Variants in CEP72 observed in about 807,000 individuals in gnomAD.
The protein encoded by CEP72 is centrosomal protein 72.
Under a neutral mutation model 65.7 loss-of-function variants are expected in CEP72, and 78 were observed. That is an observed-to-expected ratio of 1.19 (90% CI 0.99 to 1.43). The LOEUF (loss-of-function observed/expected upper bound fraction) is 1.43, where lower values mean the gene tolerates loss of function less well. Among genes scored for constraint, CEP72 ranks in the 40% most tolerant of loss-of-function variants. CEP72 has a pLI of 0.00. For synonymous variants in CEP72, 358 were observed against 351.7 expected (o/e 1.02, Z -0.20); for missense variants, 914 against 832.9 (o/e 1.10, Z -1.20).
At position 647,911 on chromosome 5, in the gene CEP72, C is replaced by T; in HGVS notation, c.1773C>T (p.Ser591=). Residue 591 remains serine, a synonymous_variant, in exon 11 of 12, where the codon AGC becomes AGT. Transcript: ENST00000264935. ...AGCTCACGCAGATGCTGCAGGAGAG[C>T]CACAGGTGCCTGCCCGTGAGACTTG... The part of the protein sequence containing the change: ...IQELTQMLQE[S]HSSLVSTNEH... 1 of 1,608,174 alleles carries T rather than the reference C, an allele frequency of 6.2e-7. No individual in the cohort carries two copies. The highest frequency in any genetic ancestry group is 8.5e-7 in the Non-Finnish European group (1 of 1,177,264).
At chr5:652,950 C>A in intron 11 of CEP72, 38 bp from the exon 12 acceptor site, 1 of 1,560,702 alleles carries the variant, frequency 6.4e-7, no homozygotes, top group Non-Finnish European at 8.7e-7. Flanking sequence ...CTGGAGAGGA[C>A]GGAAGTGCCA....
intron 4 of CEP72, among the ~76,000 whole-genome samples, chr5:666,296 C>T (rs930011053): frequency 9.2e-5 from 14 of 152,176 alleles, no homozygotes; most frequent in African/African-American, 3.1e-4. Flanking sequence ...GAAAGCTTGG[C>T]GGAAGCAGGT....
intron 2 of CEP72, 134 bp from the exon 3 acceptor site, chr5:619,935 C>T: frequency 2.8e-6 from 2 of 717,042 alleles, no homozygotes; most frequent in East Asian, 2.7e-5. Context: ...CATTTTTCTA[C>T]TTTTCCTGGT....
At position 637,744 on chromosome 5, in the gene CEP72, G is replaced by A. The variant is rs1219532634; in HGVS notation, c.1132G>A (p.Gly378Arg). 10 of 1,612,476 alleles carry A rather than the reference G, an allele frequency of 6.2e-6. No individual in the cohort carries two copies. The highest frequency in any genetic ancestry group is 3.3e-5 in the South Asian group (3 of 90,974). The change falls in exon 7 of 12, where the codon GGG becomes AGG. Residue 378 changes from glycine to arginine, a missense_variant. Transcript: ENST00000264935. The stretch of plus-strand genomic sequence containing the variant: ...ACAGGACAGCTCAGAAAGCAGGAAC[G>A]GGAGGACCTTGTCTCAGCCTGAGGC... The part of the protein sequence containing the change: ...SRQDSSESRN[G>R]RTLSQPEASE...
chr5:650,199 C>T (rs1303780888), intron 11 of CEP72, among the ~76,000 whole-genome samples: 3 of 117,728 alleles, frequency 2.5e-5, no homozygotes, highest in African/African-American at 6.9e-5. Flanking sequence ...GACTGTGAGG[C>T]GTGGACTGTG....
At chr5:665,271 G>A (rs745541895) in exon 3 of CEP72, 46 of 1,613,406 alleles carry the variant, frequency 2.9e-5, no homozygotes, top group Non-Finnish European at 3.5e-5. Flanking sequence ...CGTGAGCCTC[G>A]ACACTGTGGG....
At chr5:643,003 A>C in intron 9 of CEP72, 2 of 985,462 alleles carry the variant, frequency 2.0e-6, no homozygotes, top group Non-Finnish European at 2.4e-6. Flanking sequence ...GGCTGCGCCC[A>C]GCTTGGGTGC....
intron 11 of CEP72, among the ~76,000 whole-genome samples, chr5:649,505 GACTGTGAGGTGT>G (rs1738770658): frequency 2.8e-5 from 1 of 36,166 alleles, no homozygotes; most frequent in African/African-American, 1.4e-4. Context: ...TGTGAGGTGT[GACTGTGAGGTGT>G]GACTGTGAGG....
At chr5:665,446 T>C (rs1739856793) in intron 3 of CEP72, 7 of 733,468 alleles carry the variant, frequency 9.5e-6, no homozygotes, top group African/African-American at 5.3e-5. Flanking sequence ...TTAATTCTTA[T>C]TTTTACCTCT....
chr5:640,455 C>G lies in CEP72; in HGVS notation c.1390C>G (p.Gln464Glu). ...LSSVEEFTAA[Q>E]DSSAMVGEDV... The stretch of plus-strand genomic sequence containing the variant: ...ATCTGTTGAAGAATTCACAGCAGCT[C>G]AGGACAGCTCTGCGATGGTGGGTGA... The change falls in exon 9 of 12, where the codon CAG (glutamine) becomes GAG (glutamate). Residue 464 changes from glutamine to glutamate, a missense_variant. By Grantham distance (29) the Gln-to-Glu change is conservative. Coordinates refer to ENST00000264935, the MANE Select transcript of CEP72 (RefSeq NM_018140.4). 6.2e-7 allele frequency: 1 copy of G among 1,614,224 alleles called. No individual in the cohort carries two copies. Among genetic ancestry groups the G allele is most frequent in the Non-Finnish European group, 8.5e-7 (1 of 1,180,044 alleles).
downstream of CEP72, among the ~76,000 whole-genome samples, chr5:655,128 A>C (rs1330476281): frequency 6.6e-6 from 1 of 152,160 alleles, no homozygotes; most frequent in East Asian, 1.9e-4. This position sits in a 1 kb window ranked among gnomAD's most constrained non-coding sequence, Gnocchi z 5.0. Context: ...TGGGAGGCTG[A>C]GGCAGGAGGA....
chr5:617,597 A>G (rs1736075768), intron 1 of CEP72, among the ~76,000 whole-genome samples: 1 of 152,234 alleles, frequency 6.6e-6, no homozygotes, highest in Non-Finnish European at 1.5e-5. Flanking sequence ...GGTGTGGGGG[A>G]CAATGAACTG....
At chr5:665,393 G>A (rs1739854454) in intron 3 of CEP72, 1 of 1,136,776 alleles carries the variant, frequency 8.8e-7, no homozygotes, top group Non-Finnish European at 1.3e-6. Flanking sequence ...CCCAGCGGTG[G>A]GGCACTGGGC....
chr5:631,988 G>T (rs1421366254), intron 4 of CEP72, among the ~76,000 whole-genome samples: 1 of 40,516 alleles, frequency 2.5e-5, no homozygotes, highest in Non-Finnish European at 4.3e-5. Context: ...CCAGCGCCGG[G>T]ATTTGGCCCA....
chr5:625,528 G>A (rs936453550), intron 4 of CEP72, among the ~76,000 whole-genome samples: 1 of 152,210 alleles, frequency 6.6e-6, no homozygotes, highest in East Asian at 1.9e-4. Context: ...AGATGCCCAC[G>A]CACAGCGCAG....
Position 653,239 on chromosome 5 carries a change from G to C in CEP72, c.*86G>C, listed in dbSNP as rs1739230314. On this transcript the variant is annotated 3_prime_UTR_variant, in exon 12 of 12. Coordinates refer to ENST00000264935, the MANE Select transcript of CEP72 (RefSeq NM_018140.4). ...TTTGTACTTCTTTATTGAGTGTACT[G>C]GCTGGCAAGAGTTCTCTCTTCTGTT... 4.7e-6 allele frequency: 6 copies of C among 1,289,734 alleles called. No homozygotes were observed. The African/African-American group carries it at 6.0e-5, about 13-fold the overall frequency. 79.9% of individuals were successfully genotyped at this position (1,289,734 alleles called of 1,614,324 possible).
intron 2 of CEP72, chr5:663,716 C>A (rs890111709): frequency 2.0e-5 from 3 of 152,412 alleles, no homozygotes; most frequent in Admixed American, 6.5e-5. Context: ...CAGCCCTCTG[C>A]CCTGGCCAGA....
chr5:613,405 C>T (rs1735800598), intron 1 of CEP72, among the ~76,000 whole-genome samples: 1 of 152,068 alleles, frequency 6.6e-6, no homozygotes, highest in Admixed American at 6.5e-5. Flanking sequence ...GAGTCTCACT[C>T]TGTCGTCCAG....
At chr5:641,721 A>C in intron 9 of CEP72, 1 of 983,772 alleles carries the variant, frequency 1.0e-6, no homozygotes, top group Middle Eastern at 5.3e-4. Context: ...CTGCATTTAA[A>C]CACACATGGC....
Sources: gnomAD v4.1 joint callset for allele counts (sites outside exome capture counted in the v4.1 genomes callset) on GRCh38, gnomAD v4.1.1 for gene constraint, Gnocchi (gnomAD v3.1) non-coding constraint, MANE v1.5 for transcripts, NCBI Gene and HGNC (gene_info 2026-07-23, HGNC 2026-07-21) for gene names.